Variants in ABCC6 observed in about 807,000 individuals in gnomAD.
ABCC6 encodes the protein ATP binding cassette subfamily C member 6.
Under a neutral mutation model 169.5 loss-of-function variants are expected in ABCC6, and 126 were observed. That is an observed-to-expected ratio of 0.74 (90% CI 0.64 to 0.86). The LOEUF (loss-of-function observed/expected upper bound fraction) is 0.86. Ranked by LOEUF, ABCC6 falls within the 40% of genes least tolerant of loss-of-function variation. The pLI is 0.00. For missense variants in ABCC6, 1,733 were observed against 1,927.2 expected, an observed-to-expected ratio of 0.90 and a Z score of 1.89; for synonymous variants, 752 against 814.7, an observed-to-expected ratio of 0.92 and a Z score of 1.31.
In ABCC6 at chr16:16,149,669, G is replaced by A. The variant is rs1042807253; in HGVS notation, c.*464C>T. On this transcript the variant is annotated 3_prime_UTR_variant, in exon 31 of 31. Transcript: ENST00000205557. ...GCAAGATGTTACCATTGGGTGAAAT[G>A]GGGTACCAAGTACACGAATCTCTCT... The A allele has an allele frequency of 3.5e-6, 1 of 282,168 alleles. No homozygotes were observed. The highest frequency in any genetic ancestry group is 2.1e-5 in the African/African-American group (1 of 47,256). The allele number at this position is 282,168 out of a possible 1,614,324, so 17.5% of individuals were successfully genotyped here. A position where few individuals can be genotyped will look rare whatever the true frequency, so the allele number is the denominator to read the frequency against.
In ABCC6 at chr16:16,159,572, T is replaced by C; in HGVS notation, c.3645A>G (p.Thr1215=). 1.2e-6 allele frequency: 2 copies of C among 1,613,888 alleles called. No individual in the cohort carries two copies. The highest frequency in any genetic ancestry group is 1.7e-6 in the Non-Finnish European group (2 of 1,179,790). ...TCCAGTTGCGAACAACCCACTGCAGTGTCTGGGTCACCTGGTGCAAGAAAG... is the reference window on the plus strand; with the variant it reads ...TCCAGTTGCGAACAACCCACTGCAGCGTCTGGGTCACCTGGTGCAAGAAAG... ...SVSAALQVTQ[T]LQWVVRNWTD... is the part of the protein sequence containing the mutation. The change falls in exon 26 of 31, where the codon ACA becomes ACG. Residue 1215 remains threonine (T), a synonymous_variant. Transcript: ENST00000205557.
In ABCC6 at chr16:16,203,426, C is replaced by T. The variant is rs750774345; in HGVS notation, c.982G>A (p.Val328Ile). 3 of 1,613,808 alleles carry T rather than the reference C, an allele frequency of 1.9e-6. No individual in the cohort carries two copies. In the African/African-American group the frequency reaches 4.0e-5, roughly 22 times the overall value. Residue 328 changes from valine (V) to isoleucine (I), a missense_variant, in exon 8 of 31, where the codon GTC (valine) becomes ATC (isoleucine). Val to Ile is a conservative substitution (Grantham distance 29). Coordinates refer to ENST00000205557, the MANE Select transcript of ABCC6 (RefSeq NM_001171.6). The stretch of plus-strand genomic sequence containing the variant: ...GGGACTCACCTGAGCAGCTTGGGGA[C>T]AGTGAACCTGAAGACATCACTGATG... ...LIISDVFRFTVPKLLSLFLEF... is the reference protein window; with the variant it reads ...LIISDVFRFTIPKLLSLFLEF...
Position 16,202,007 on chromosome 16 carries a change from G to A in ABCC6, c.1170C>T (p.Tyr390=), listed in dbSNP as rs749562556. The change falls in exon 9 of 31, where the codon TAC becomes TAT. Residue 390 remains tyrosine (Y), a synonymous_variant. Transcript: ENST00000205557. ...CTTGTCCCCCAGGGCTCACCTTTCT[G>A]TACACCAGGCCAGTGATGGCCGACC... is the stretch of plus-strand genomic sequence containing the variant. ...RLRSAITGLV[Y]RKVLALSSGS... The A allele has an allele frequency of 1.2e-6, 2 of 1,613,956 alleles. No individual in the cohort carries two copies. The highest frequency in any genetic ancestry group is 2.2e-5 in the East Asian group (1 of 44,888).
intron 13 of ABCC6, 35 bp from the exon 14 acceptor site, chr16:16,187,246 A>T (rs1208527433): frequency 6.3e-7 from 1 of 1,575,904 alleles, no homozygotes; most frequent in African/African-American, 1.4e-5. Flanking sequence ...ACCCAGCAAG[A>T]AGAGCAAAGA....
intron 10 of ABCC6, among the ~76,000 whole-genome samples, chr16:16,196,171 T>C (rs1316634726): frequency 2.1e-5 from 3 of 145,412 alleles, no homozygotes; most frequent in African/African-American, 5.2e-5. Context: ...AGTTGTGCCA[T>C]TGCACCAAAG....
In ABCC6 at chr16:16,153,724, T is replaced by TTCGACTGTA. The variant is rs1179781483; in HGVS notation, c.4208+903_4208+904insTACAGTCGA. On this transcript the variant is annotated intron_variant, in intron 29 of 30. Coordinates refer to ENST00000205557, the MANE Select transcript of ABCC6 (RefSeq NM_001171.6). ...TTCGACTGTAGCCTGGGCAACATGG[T>TTCGACTGTA]GAAACCCTGTCTCTACAAAAAATAA... is the stretch of plus-strand genomic sequence containing the variant. 4.0e-5 allele frequency among the ~76,000 whole-genome samples: 6 copies of TTCGACTGTA among 151,752 alleles called. No homozygotes were observed. The East Asian group carries it at 1.2e-3, about 30-fold the overall frequency.
At chr16:16,213,106 A>C (rs2048699827) in intron 5 of ABCC6, among the ~76,000 whole-genome samples, 1 of 146,284 alleles carries the variant, frequency 6.8e-6, no homozygotes, top group African/African-American at 2.6e-5. Flanking sequence ...TTTTTTGAAT[A>C]CAGGGTCTCG....
At chr16:16,190,116 G>T in intron 12 of ABCC6, 48 bp downstream of exon 12, 2 of 1,596,876 alleles carry the variant, frequency 1.3e-6, no homozygotes, top group African/African-American at 1.3e-5. Flanking sequence ...CCCCACCCCC[G>T]CACTCCTTCC....
chr16:16,149,913 G>T lies in ABCC6; in HGVS notation c.*220C>A. 3.0e-6 allele frequency: 2 copies of T among 673,212 alleles called. No homozygotes were observed. Among genetic ancestry groups the T allele is most frequent in the Non-Finnish European group, 2.6e-6 (1 of 387,470 alleles). The allele number at this position is 673,212 out of a possible 1,614,324, so 41.7% of individuals were successfully genotyped here. On this transcript the variant is annotated 3_prime_UTR_variant, in exon 31 of 31. Transcript: ENST00000205557. The stretch of plus-strand genomic sequence containing the variant: ...ACATTGGCTGCAGGGTGGACAGGGC[G>T]AGATGGGCCCTGCCCGGGCAGACCT...
chr16:16,198,266 C>T, intron 9 of ABCC6, 84 bp from the exon 10 acceptor site: 3 of 1,458,550 alleles, frequency 2.1e-6, no homozygotes, highest in Non-Finnish European at 2.8e-6. Context: ...CCCACTGAGC[C>T]CCACCTCACA....
intron 5 of ABCC6, 96 bp from the exon 6 acceptor site, chr16:16,212,342 T>C (rs2048661237): frequency 9.6e-7 from 1 of 1,037,858 alleles, no homozygotes; most frequent in African/African-American, 1.6e-5. Context: ...AGGGTTTCGC[T>C]CTGTTGCCCA....
rs2046435420 is a variant in ABCC6 at position 16,153,051 on chromosome 16, C to A, written c.4208+1577G>T. 2.0e-5 allele frequency among the ~76,000 whole-genome samples: 3 copies of A among 152,214 alleles called. No individual in the cohort carries two copies. The South Asian group carries it at 6.2e-4, about 32-fold the overall frequency. On this transcript the variant is annotated intron_variant, in intron 29 of 30. Transcript: ENST00000205557. ...TCCCACGTAACTGGGATTACAGGCG[C>A]CTGCCGCCACACCCAGCTAATTTTT... is the stretch of plus-strand genomic sequence containing the variant.
intron 7 of ABCC6, among the ~76,000 whole-genome samples, chr16:16,205,184 C>T (rs960648109): frequency 6.6e-6 from 1 of 152,108 alleles, no homozygotes; most frequent in African/African-American, 2.4e-5. Flanking sequence ...CCCGGGGCCA[C>T]GTGCTGGGAT....
At chr16:16,205,932 G>A (rs1216440205) in intron 7 of ABCC6, among the ~76,000 whole-genome samples, 1 of 152,152 alleles carries the variant, frequency 6.6e-6, no homozygotes, top group African/African-American at 2.4e-5. Flanking sequence ...TAGAAGGAAG[G>A]AAGGAGCTTG....
chr16:16,173,071 A>G (rs1596634654), intron 21 of ABCC6: 1 of 651,764 alleles, frequency 1.5e-6, no homozygotes, highest in African/African-American at 1.8e-5. Context: ...TTTTAAAAGA[A>G]TTCAGTTTCT....
intron 10 of ABCC6, among the ~76,000 whole-genome samples, chr16:16,197,317 T>G (rs746340066): frequency 1.3e-5 from 2 of 152,082 alleles, no homozygotes; most frequent in Non-Finnish European, 2.9e-5. Context: ...GAGGGTGAAC[T>G]TCCTGCCCAA....
At position 16,202,000 on chromosome 16, in the gene ABCC6, C is replaced by G; in HGVS notation, c.1176+1G>C. Reference sequence around the variant, plus strand: ...ACCTGCCCTTGTCCCCCAGGGCTCACCTTTCTGTACACCAGGCCAGTGATG... The same window carrying G: ...ACCTGCCCTTGTCCCCCAGGGCTCAGCTTTCTGTACACCAGGCCAGTGATG... On this transcript the variant is annotated splice_donor_variant, in intron 9 of 30. Transcript: ENST00000205557. LOFTEE classifies it high-confidence loss of function. The G allele has an allele frequency of 6.2e-7, 1 of 1,614,002 alleles. No homozygotes were observed. Among genetic ancestry groups the G allele is most frequent in the Non-Finnish European group, 8.5e-7 (1 of 1,179,878 alleles).
rs774574107 is a variant in ABCC6 at position 16,182,811 on chromosome 16, C to T, written c.2063G>A (p.Ser688Asn). The T allele has an allele frequency of 3.1e-6, 5 of 1,614,010 alleles. No individual in the cohort carries two copies. Among genetic ancestry groups the T allele is most frequent in the Admixed American group, 3.3e-5 (2 of 60,004 alleles). The change falls in exon 16 of 31, where the codon AGC (serine) becomes AAC (asparagine). Residue 688 changes from serine to asparagine, a missense_variant. By Grantham distance (46) the Ser-to-Asn change is conservative. Around this residue, in one of 5 missense-constraint regions of ABCC6, gnomAD observed 1,601 missense variants for 1,635.5 expected, o/e 0.98. Transcript: ENST00000205557. ...GGCTGGGGGTGGCCTCACCTCGATG[C>T]TCACGAACCCCTCCACCTTTGACAG... ...GELSKVEGFV[S>N]IEGAVAYVPQ...
intron 17 of ABCC6, among the ~76,000 whole-genome samples, chr16:16,181,372 A>T (rs990920235): frequency 6.8e-6 from 1 of 146,532 alleles, no homozygotes; most frequent in South Asian, 2.1e-4. Flanking sequence ...AAAAAAAGAG[A>T]AAAAGCAGGT....
Sources: allele counts gnomAD v4.1 joint callset (sites outside exome capture counted in the v4.1 genomes callset), GRCh38; gene constraint gnomAD v4.1.1; regional missense constraint gnomAD v4.1.1; transcripts MANE v1.5; gene names NCBI Gene and HGNC (gene_info 2026-07-23, HGNC 2026-07-21).